TBC1D32: variants seen among roughly 807,000 people sequenced by gnomAD.
The protein encoded by TBC1D32 is TBC1 domain family member 32.
TBC1D32 carries 151 observed loss-of-function variants against 170.3 expected under a neutral mutation model. That is an observed-to-expected ratio of 0.89 (90% confidence interval 0.78 to 1.01). The LOEUF (loss-of-function observed/expected upper bound fraction) is 1.01, where lower values mean the gene tolerates loss of function less well. Ranked by LOEUF, TBC1D32 falls within the 50% of genes least tolerant of loss-of-function variation. The probability of loss-of-function intolerance (pLI) is 0.00; values close to 1 mark genes in which losing one functional copy is unlikely to be tolerated. For synonymous variants in TBC1D32, 498 were observed against 488.0 expected, an observed-to-expected ratio of 1.02 and a Z score of -0.27; for missense variants, 1,464 against 1,457.1, an observed-to-expected ratio of 1.00 and a Z score of -0.08.
intron 2 of TBC1D32, among the ~76,000 whole-genome samples, chr6:121,318,624 A>C: frequency 6.6e-6 from 1 of 152,028 alleles, no homozygotes. Context: ...CTGTCATCAT[A>C]AATAAGTTTC....
intron 5 of TBC1D32, among the ~76,000 whole-genome samples, chr6:121,307,196 G>A (rs951886118): frequency 1.3e-5 from 2 of 151,322 alleles, no homozygotes; most frequent in African/African-American, 4.9e-5. Context: ...GCAATGTGGT[G>A]AGGCTCCATC....
intron 3 of TBC1D32, among the ~76,000 whole-genome samples, chr6:121,313,166 GTGTA>G (rs1808476534): frequency 9.2e-6 from 1 of 108,652 alleles, no homozygotes; most frequent in African/African-American, 3.4e-5. Context: ...GTGTGTGTGT[GTGTA>G]GAGACCTTGT....
Position 121,304,521 on chromosome 6 carries a change from C to T in TBC1D32, c.873+1G>A. 6.2e-7 allele frequency: 1 copy of T among 1,606,148 alleles called. No homozygotes were observed. The highest frequency in any genetic ancestry group is 1.1e-5 in the South Asian group (1 of 89,814). On this transcript the variant is annotated splice_donor_variant, in intron 7 of 31. Transcript: ENST00000398212. LOFTEE classifies it high-confidence loss of function. ...GAAAGCATATTGTAGTAAATGGATA[C>T]CTTTTTAAGTAAGCGAGTCATATTA...
intron 15 of TBC1D32, among the ~76,000 whole-genome samples, chr6:121,274,078 T>C (rs1563187077): frequency 1.3e-5 from 2 of 152,136 alleles, no homozygotes; most frequent in African/African-American, 2.4e-5. Flanking sequence ...CTCATGCCTG[T>C]AATCCCAGCA....
chr6:121,085,312 T>C, intron 31 of TBC1D32, among the ~76,000 whole-genome samples: 1 of 144,174 alleles, frequency 6.9e-6, no homozygotes. Context: ...TATATATACA[T>C]ATATACACAT....
chr6:121,241,392 A>C, intron 19 of TBC1D32, 73 bp downstream of exon 19: 1 of 1,240,608 alleles, frequency 8.1e-7, no homozygotes, highest in African/African-American at 1.5e-5. Context: ...TAATTGTGCC[A>C]GTTAAATTTT....
At chr6:121,268,261 T>C (rs1022109653) in intron 15 of TBC1D32, among the ~76,000 whole-genome samples, 5 of 152,064 alleles carry the variant, frequency 3.3e-5, no homozygotes, top group Non-Finnish European at 7.4e-5. Flanking sequence ...GAGAATGACA[T>C]TGATGAGTTG....
intron 15 of TBC1D32, among the ~76,000 whole-genome samples, chr6:121,261,325 C>T (rs1405824034): frequency 6.6e-6 from 1 of 152,192 alleles, no homozygotes; most frequent in Non-Finnish European, 1.5e-5. Context: ...CTGGGTGAGA[C>T]ACCCCAAAAG....
At chr6:121,319,204 G>A (rs777645564) in intron 2 of TBC1D32, among the ~76,000 whole-genome samples, 13 of 151,908 alleles carry the variant, frequency 8.6e-5, no homozygotes, top group Non-Finnish European at 1.5e-4. Context: ...ATTAGGAACC[G>A]CTAGGGGGAG....
intron 31 of TBC1D32, among the ~76,000 whole-genome samples, chr6:121,086,271 G>A (rs543031664): frequency 4.8e-4 from 73 of 152,114 alleles, no homozygotes; most frequent in East Asian, 9.7e-4. Context: ...CAATGTACTC[G>A]AGCTCACACA....
At chr6:121,159,067 A>G (rs888576713) in intron 24 of TBC1D32, among the ~76,000 whole-genome samples, 27 of 152,206 alleles carry the variant, frequency 1.8e-4, no homozygotes, top group African/African-American at 5.3e-4. Flanking sequence ...TTCCTCTGCC[A>G]AAAAGAAAAA....
Position 121,080,761 on chromosome 6 carries a change from G to A in TBC1D32, c.*10C>T, listed in dbSNP as rs1213812618. The A allele has an allele frequency of 5.6e-6, 9 of 1,602,718 alleles. No individual in the cohort carries two copies. Among genetic ancestry groups the A allele is most frequent in the Non-Finnish European group, 7.7e-6 (9 of 1,176,258 alleles). On this transcript the variant is annotated 3_prime_UTR_variant, in exon 32 of 32. Coordinates refer to ENST00000398212, the MANE Select transcript of TBC1D32 (RefSeq NM_152730.6). ...AATAAAACCTAAATTTAAACCGTGTGTCTCATGATCTATGTGCTCTGCAGT... is the reference window on the plus strand; with the variant it reads ...AATAAAACCTAAATTTAAACCGTGTATCTCATGATCTATGTGCTCTGCAGT...
intron 29 of TBC1D32, among the ~76,000 whole-genome samples, chr6:121,112,089 G>A (rs537120160): frequency 4.6e-5 from 7 of 152,164 alleles, no homozygotes; most frequent in African/African-American, 1.7e-4. Flanking sequence ...TTTACAAAAT[G>A]TATATAATTT....
chr6:121,247,710 A>AAAAAAAAAAAAAAAAAAAC (rs1309018074), intron 17 of TBC1D32, among the ~76,000 whole-genome samples: 1 of 149,726 alleles, frequency 6.7e-6, no homozygotes, highest in African/African-American at 2.4e-5. Flanking sequence ...AAAAAAAAAA[A>AAAAAAAAAAAAAAAAAAAC]AAAAAAAAGA....
intron 24 of TBC1D32, among the ~76,000 whole-genome samples, chr6:121,156,963 A>C (rs1784978807): frequency 6.6e-6 from 1 of 152,100 alleles, no homozygotes; most frequent in Non-Finnish European, 1.5e-5. Flanking sequence ...CATGTGTAGA[A>C]GACAAGAATG....
intron 2 of TBC1D32, among the ~76,000 whole-genome samples, chr6:121,320,180 C>A: frequency 1.3e-5 from 2 of 149,740 alleles, no homozygotes. Context: ...CTACATTAGC[C>A]CTAAGTGATT....
At chr6:121,268,462 C>T (rs1583480646) in intron 15 of TBC1D32, among the ~76,000 whole-genome samples, 1 of 152,140 alleles carries the variant, frequency 6.6e-6, no homozygotes, top group South Asian at 2.1e-4. Flanking sequence ...CTACGTGACG[C>T]ATGCAAAAGC....
chr6:121,321,501 T>C (rs1809695851), intron 2 of TBC1D32, 132 bp downstream of exon 2: 3 of 835,904 alleles, frequency 3.6e-6, no homozygotes, highest in South Asian at 2.2e-5. Flanking sequence ...GGTGTCATGA[T>C]CTGACTCATT....
At chr6:121,175,044 A>G (rs1485400731) in intron 22 of TBC1D32, among the ~76,000 whole-genome samples, 1 of 150,864 alleles carries the variant, frequency 6.6e-6, no homozygotes, top group Non-Finnish European at 1.5e-5. Flanking sequence ...AAAAACTGAT[A>G]AGATTTCCTG....
Sources: gnomAD v4.1 joint callset for allele counts (sites outside exome capture counted in the v4.1 genomes callset) on GRCh38, gnomAD v4.1.1 for gene constraint, MANE v1.5 for transcripts, NCBI Gene and HGNC (gene_info 2026-07-23, HGNC 2026-07-21) for gene names.